GSK3B: variants seen among roughly 807,000 people sequenced by gnomAD.
GSK3B encodes glycogen synthase kinase-3 beta.
GSK3B carries 15 observed loss-of-function variants against 56.4 expected under a neutral mutation model. The observed-to-expected ratio is 0.27, with a 90% CI of 0.18 to 0.41. The LOEUF (loss-of-function observed/expected upper bound fraction) is 0.41. Among genes scored for constraint, GSK3B ranks in the 10% least tolerant of loss-of-function variants. The pLI is 1.00. For missense variants in GSK3B, 300 were observed against 513.4 expected (o/e 0.58, Z 4.02); for synonymous variants, 181 against 188.9 (o/e 0.96, Z 0.34).
rs138983843 is a variant in GSK3B at position 119,826,827 on chromosome 3, G to C, written c.1224C>G (p.Thr408=). ...AAGCTGATGCAGAAGCAGCATTATT[G>C]GTCTGTCCACGGTCTCCAGTATTAG... ...SDANTGDRGQ[T]NNAASASASN... The change falls in exon 11 of 11, where the codon ACC becomes ACG. Residue 408 remains threonine (T), a synonymous_variant. Transcript: ENST00000264235. 7 of 1,612,520 alleles carry C rather than the reference G, an allele frequency of 4.3e-6. No individual in the cohort carries two copies. The African/African-American group carries it at 9.3e-5, about 22-fold the overall frequency.
chr3:120,073,762 C>T (rs334534), intron 1 of GSK3B, among the ~76,000 whole-genome samples: 15,935 of 152,112 alleles, frequency 0.1, 947 homozygotes, highest in African/African-American at 0.17. Flanking sequence ...CTGTGTAAGG[C>T]TCTGTAAGCG....
At chr3:120,016,405 T>C (rs1559877624) in intron 1 of GSK3B, among the ~76,000 whole-genome samples, 1 of 152,152 alleles carries the variant, frequency 6.6e-6, no homozygotes, top group South Asian at 2.1e-4. Flanking sequence ...ATGGGAAAAT[T>C]TACGGTGTTC....
Position 119,912,800 on chromosome 3 carries a change from G to A in GSK3B, c.619C>T (p.Leu207=). 1 of 1,565,872 alleles carries A rather than the reference G, an allele frequency of 6.4e-7. No individual in the cohort carries two copies. Among genetic ancestry groups the A allele is most frequent in the Non-Finnish European group, 8.8e-7 (1 of 1,141,922 alleles). Reference sequence around the variant, plus strand: ...GAAACATTGGGTTCTCCTCGGACCAGCTGCTTTGCACTAACAGAAAAAAAA... The same window carrying A: ...GAAACATTGGGTTCTCCTCGGACCAACTGCTTTGCACTAACAGAAAAAAAA... ...KLCDFGSAKQ[L]VRGEPNVSYI... The change falls in exon 6 of 11, where the codon CTG becomes TTG. Residue 207 remains leucine, a synonymous_variant. Coordinates refer to ENST00000264235, the MANE Select transcript of GSK3B (RefSeq NM_001146156.2).
chr3:120,047,177 A>T (rs1279424309), intron 1 of GSK3B, among the ~76,000 whole-genome samples: 1 of 152,184 alleles, frequency 6.6e-6, no homozygotes, highest in Non-Finnish European at 1.5e-5. Context: ...TGATAACCAA[A>T]CTGTCTTATA....
At chr3:119,885,488 G>C (rs1324166699) in intron 7 of GSK3B, among the ~76,000 whole-genome samples, 1 of 151,768 alleles carries the variant, frequency 6.6e-6, no homozygotes, top group Non-Finnish European at 1.5e-5. Context: ...AACTACCAAT[G>C]TCATTTTTCA....
At chr3:119,833,379 T>G (rs1478084489) in intron 10 of GSK3B, among the ~76,000 whole-genome samples, 4 of 152,242 alleles carry the variant, frequency 2.6e-5, no homozygotes, top group African/African-American at 9.6e-5. Context: ...CTATAAAAAA[T>G]TAAATTCTTC....
intron 1 of GSK3B, among the ~76,000 whole-genome samples, chr3:120,008,731 G>A (rs746505860): frequency 9.9e-5 from 15 of 152,108 alleles, no homozygotes; most frequent in Non-Finnish European, 2.2e-4. Flanking sequence ...AGACTTAAAC[G>A]TTAAGACCTA....
intron 2 of GSK3B, among the ~76,000 whole-genome samples, chr3:119,975,698 A>C (rs1477980781): frequency 2.0e-5 from 3 of 152,218 alleles, no homozygotes; most frequent in African/African-American, 7.2e-5. Context: ...GTCCCTATAC[A>C]ATTGTCAAAA....
At chr3:120,084,145 G>A (rs973928306) in intron 1 of GSK3B, among the ~76,000 whole-genome samples, 17 of 152,154 alleles carry the variant, frequency 1.1e-4, no homozygotes, top group Admixed American at 2.6e-4. Flanking sequence ...ATTCTCATAA[G>A]GAAATGTGAT....
intron 2 of GSK3B, among the ~76,000 whole-genome samples, chr3:119,953,973 T>C (rs145589809): frequency 3.3e-5 from 5 of 152,242 alleles, no homozygotes; most frequent in African/African-American, 1.2e-4. Context: ...AAGTAGCTTA[T>C]AGAAATCAGA....
At chr3:120,079,447 C>T (rs113228536) in intron 1 of GSK3B, among the ~76,000 whole-genome samples, 3,907 of 151,612 alleles carry the variant, frequency 0.026, 168 homozygotes, top group African/African-American at 0.089. Flanking sequence ...CAGGCTGGAG[C>T]GCAGTAGTGC....
chr3:119,945,898 T>C (rs571764229), intron 3 of GSK3B, among the ~76,000 whole-genome samples: 66 of 152,182 alleles, frequency 4.3e-4, no homozygotes, highest in Non-Finnish European at 8.2e-4. Flanking sequence ...AAAATTTCAT[T>C]ACAAAGAGTG....
At chr3:119,870,449 C>G (rs2056236428) in intron 8 of GSK3B, among the ~76,000 whole-genome samples, 1 of 152,170 alleles carries the variant, frequency 6.6e-6, no homozygotes, top group African/African-American at 2.4e-5. Flanking sequence ...GTCTTCTTTT[C>G]AAATCCACCC....
intron 8 of GSK3B, among the ~76,000 whole-genome samples, chr3:119,865,753 G>A (rs2056175104): frequency 6.6e-6 from 1 of 151,916 alleles, no homozygotes; most frequent in African/African-American, 2.4e-5. Context: ...ACAGGCGTGA[G>A]CCACCGTGCC....
chr3:120,034,898 T>C (rs1201851194), intron 1 of GSK3B, among the ~76,000 whole-genome samples: 3 of 152,038 alleles, frequency 2.0e-5, no homozygotes, highest in Non-Finnish European at 4.4e-5. Flanking sequence ...CAGGAGCTCA[T>C]GACCACAACA....
chr3:120,075,376 A>C (rs976675995), intron 1 of GSK3B, among the ~76,000 whole-genome samples: 2 of 152,186 alleles, frequency 1.3e-5, no homozygotes, highest in African/African-American at 2.4e-5. Context: ...GAAGTGCTGG[A>C]AGAGCTTGTC....
Position 119,861,016 on chromosome 3 carries a change from G to A in GSK3B, c.1096+2403C>T, listed in dbSNP as rs193142009. 1.4e-3 allele frequency among the ~76,000 whole-genome samples: 219 copies of A among 152,138 alleles called. 3 individuals carry two copies. The highest frequency in any genetic ancestry group is 3.5e-4 in the Non-Finnish European group (24 of 67,992). On this transcript the variant is annotated intron_variant, in intron 9 of 10. Coordinates refer to ENST00000264235, the MANE Select transcript of GSK3B (RefSeq NM_001146156.2). The stretch of plus-strand genomic sequence containing the variant: ...ATTTCCTTTAGCTATACAACCAAGT[G>A]GAAAATTGATTCTCCTTCTTCAACC...
At chr3:120,041,759 C>T (rs975693925) in intron 1 of GSK3B, among the ~76,000 whole-genome samples, 17 of 152,198 alleles carry the variant, frequency 1.1e-4, no homozygotes, top group Non-Finnish European at 1.9e-4. Context: ...GGCGACAGTT[C>T]TTTATAGATG....
chr3:119,932,469 C>T (rs1251937465), intron 3 of GSK3B, among the ~76,000 whole-genome samples: 2 of 150,426 alleles, frequency 1.3e-5, no homozygotes, highest in East Asian at 3.9e-4. Flanking sequence ...CTATCTCACA[C>T]CTTAAAACAA....
Sources: gnomAD v4.1 joint callset for allele counts (sites outside exome capture counted in the v4.1 genomes callset) on GRCh38, gnomAD v4.1.1 for gene constraint, MANE v1.5 for transcripts, NCBI Gene and HGNC (gene_info 2026-07-23, HGNC 2026-07-21) for gene names.